The following KCNH8 variants were observed in gnomAD, a reference collection of about 807,000 sequenced individuals.
KCNH8 encodes potassium voltage-gated channel subfamily H member 8, also known as voltage-gated delayed rectifier potassium channel KCNH8.
In KCNH8, 70 loss-of-function variants were observed where a neutral mutation model predicts 103.6. That is an observed-to-expected ratio of 0.68 (90% CI 0.56 to 0.82). KCNH8 has a LOEUF of 0.82. Among genes scored for constraint, KCNH8 ranks in the 40% least tolerant of loss-of-function variants. The pLI is 0.00. For synonymous variants in KCNH8, 498 were observed against 489.4 expected, an observed-to-expected ratio of 1.02 and a Z score of -0.23; for missense variants, 1,217 against 1,329.9, an observed-to-expected ratio of 0.92 and a Z score of 1.32.
intron 4 of KCNH8, among the ~76,000 whole-genome samples, chr3:19,344,806 C>T (rs545492276): frequency 2.6e-5 from 4 of 152,178 alleles, no homozygotes; most frequent in Admixed American, 2.0e-4. Flanking sequence ...TTACAAATTC[C>T]TTTTACTTAC....
intron 11 of KCNH8, among the ~76,000 whole-genome samples, chr3:19,496,707 A>T (rs2068448751): frequency 6.6e-6 from 1 of 152,178 alleles, no homozygotes; most frequent in African/African-American, 2.4e-5. Flanking sequence ...TGGCCTCATA[A>T]AATGAGTTAG....
intron 1 of KCNH8, among the ~76,000 whole-genome samples, chr3:19,215,727 AAAAC>A (rs2063811992): frequency 1.3e-5 from 2 of 152,262 alleles, no homozygotes; most frequent in Admixed American, 1.3e-4. Flanking sequence ...CCTTTCTCAA[AAAAC>A]AAACAAACCA....
chr3:19,473,434 G>A (rs969899642), intron 11 of KCNH8, among the ~76,000 whole-genome samples: 1 of 152,138 alleles, frequency 6.6e-6, no homozygotes, highest in Non-Finnish European at 1.5e-5. Context: ...TTATTTGCTT[G>A]TAAATCCATC....
chr3:19,153,659 G>C (rs1164510829), intron 1 of KCNH8, among the ~76,000 whole-genome samples: 1 of 127,266 alleles, frequency 7.9e-6, no homozygotes, highest in East Asian at 2.3e-4. Context: ...TTTTAGACGA[G>C]TCTCACTCTG....
rs563200917 is a variant in KCNH8, at chr3:19,202,911, T to A, written c.77-50743T>A. On this transcript the variant is annotated intron_variant, in intron 1 of 15. Coordinates refer to ENST00000328405, the MANE Select transcript of KCNH8 (RefSeq NM_144633.3). Reference sequence around the variant, plus strand: ...CCACCCATTATGGGGACTACACACATATCACTAACCACCTGACCACCCGAC... The same window carrying A: ...CCACCCATTATGGGGACTACACACAAATCACTAACCACCTGACCACCCGAC... 7.2e-5 allele frequency among the ~76,000 whole-genome samples: 11 copies of A among 152,228 alleles called. No individual in the cohort carries two copies. The South Asian group carries it at 2.1e-3, about 29-fold the overall frequency.
In KCNH8 at chr3:19,487,459, T is replaced by C. The variant is rs374116006; in HGVS notation, c.2041-22904T>C. Among the ~76,000 whole-genome samples the C allele has an allele frequency of 2.0e-4, 30 of 152,226 alleles. No homozygotes were observed. The South Asian group carries it at 5.8e-3, about 29-fold the overall frequency. ...ATGGAGACTGGCAAGGAACTATAGT[T>C]CTAAATTATAGGTGCTTTTAAGCGC... On this transcript the variant is annotated intron_variant, in intron 11 of 15. Transcript: ENST00000328405.
intron 15 of KCNH8, among the ~76,000 whole-genome samples, chr3:19,532,856 A>C (rs562552218): frequency 6.1e-4 from 93 of 152,210 alleles, no homozygotes; most frequent in Non-Finnish European, 1.2e-3. Context: ...TCAAATGCTT[A>C]ACCTACCCAT....
chr3:19,452,472 G>A (rs2125185048), intron 10 of KCNH8, among the ~76,000 whole-genome samples: 1 of 152,220 alleles, frequency 6.6e-6, no homozygotes. Context: ...GGTCTAAACA[G>A]TGATAATGCA....
chr3:19,351,054 C>T (rs970810806), intron 5 of KCNH8, among the ~76,000 whole-genome samples: 7 of 152,022 alleles, frequency 4.6e-5, no homozygotes, highest in Non-Finnish European at 1.0e-4. Flanking sequence ...CCTGATGGAG[C>T]TGAAAACCAT....
At chr3:19,224,196 CA>C (rs1489193843) in intron 1 of KCNH8, among the ~76,000 whole-genome samples, 1 of 151,918 alleles carries the variant, frequency 6.6e-6, no homozygotes, top group Non-Finnish European at 1.5e-5. Context: ...TCAAACAGAC[CA>C]ACATTTCTTG....
chr3:19,266,948 G>A (rs181135138), intron 2 of KCNH8, among the ~76,000 whole-genome samples: 2 of 151,964 alleles, frequency 1.3e-5, no homozygotes, highest in African/African-American at 2.4e-5. Flanking sequence ...ACAGAGAGAG[G>A]GATTGGTGGT....
chr3:19,497,353 A>G (rs1315599965), intron 11 of KCNH8, among the ~76,000 whole-genome samples: 1 of 152,034 alleles, frequency 6.6e-6, no homozygotes, highest in Admixed American at 6.6e-5. Flanking sequence ...TTAATCTGAG[A>G]TATTTTTAAC....
chr3:19,182,166 G>A (rs1056321274), intron 1 of KCNH8, among the ~76,000 whole-genome samples: 11 of 152,128 alleles, frequency 7.2e-5, no homozygotes, highest in Admixed American at 2.6e-4. Context: ...AATCTGCTTC[G>A]CTATCCCTTG....
At chr3:19,356,136 AT>A (rs1279384969) in intron 5 of KCNH8, among the ~76,000 whole-genome samples, 4 of 151,974 alleles carry the variant, frequency 2.6e-5, no homozygotes, top group African/African-American at 7.2e-5. Flanking sequence ...CAATATGATT[AT>A]TTTAAATTGA....
At chr3:19,512,942 T>C (rs1268539646) in intron 12 of KCNH8, 28 bp from the exon 13 acceptor site, 3 of 1,598,148 alleles carry the variant, frequency 1.9e-6, no homozygotes, top group African/African-American at 1.3e-5. Flanking sequence ...TTGCAGTCTG[T>C]ACTAATTTAT....
chr3:19,211,878 CAAAT>C (rs1348999614), intron 1 of KCNH8, among the ~76,000 whole-genome samples: 1 of 152,056 alleles, frequency 6.6e-6, no homozygotes, highest in Non-Finnish European at 1.5e-5. Context: ...AAAGTAGAGA[CAAAT>C]AATAGTACTA....
rs779679664 is a variant in KCNH8, at chr3:19,148,599, C to A, written c.-121C>A. Reference sequence around the variant, plus strand: ...TTCCACTTCCCCTGCTCGGCCCCGCCGTCAGGCCGGGTCCCCCTTCCCTGC... The same window carrying A: ...TTCCACTTCCCCTGCTCGGCCCCGCAGTCAGGCCGGGTCCCCCTTCCCTGC... On this transcript the variant is annotated 5_prime_UTR_variant, in exon 1 of 16. Coordinates refer to ENST00000328405, the MANE Select transcript of KCNH8 (RefSeq NM_144633.3). 2.2e-6 allele frequency: 2 copies of A among 921,340 alleles called. No homozygotes were observed. Among genetic ancestry groups the A allele is most frequent in the Admixed American group, 1.8e-5 (1 of 56,970 alleles). 57.1% of individuals were successfully genotyped at this position (921,340 alleles called of 1,614,324 possible).
At chr3:19,415,019 C>T (rs1226260605) in intron 7 of KCNH8, among the ~76,000 whole-genome samples, 15 of 151,732 alleles carry the variant, frequency 9.9e-5, no homozygotes, top group African/African-American at 3.6e-4. Context: ...CCCTCTTTCT[C>T]TCCTCTACTA....
intron 3 of KCNH8, among the ~76,000 whole-genome samples, chr3:19,288,792 T>A (rs1690937817): frequency 1.3e-5 from 2 of 152,234 alleles, no homozygotes; most frequent in Non-Finnish European, 2.9e-5. Context: ...TCTAGATCCC[T>A]GAGAATTGCC....
Sources: allele counts gnomAD v4.1 joint callset (sites outside exome capture counted in the v4.1 genomes callset), GRCh38; gene constraint gnomAD v4.1.1; transcripts MANE v1.5; gene names NCBI Gene and HGNC (gene_info 2026-07-23, HGNC 2026-07-21).